The following NAALADL2 variants were observed in gnomAD, a reference collection of about 807,000 sequenced individuals.
The protein encoded by NAALADL2 is N-acetylated alpha-linked acidic dipeptidase like 2.
A neutral mutation model predicts 87.2 loss-of-function variants in NAALADL2; 76 were observed. The observed-to-expected ratio is 0.87, with a 90% CI of 0.72 to 1.05. NAALADL2 has a LOEUF of 1.05. Ranked by LOEUF, NAALADL2 falls within the 50% of genes least tolerant of loss-of-function variation. The pLI is 0.00. For missense variants in NAALADL2, 1,089 were observed against 945.8 expected, an observed-to-expected ratio of 1.15 and a Z score of -1.99; for synonymous variants, 354 against 331.0, an observed-to-expected ratio of 1.07 and a Z score of -0.75.
At chr3:175,547,282 C>T (rs1324799759) in intron 9 of NAALADL2, among the ~76,000 whole-genome samples, 1 of 152,076 alleles carries the variant, frequency 6.6e-6, no homozygotes, top group Non-Finnish European at 1.5e-5. Flanking sequence ...ACTATCTGAT[C>T]TTCTACAAAC....
chr3:175,012,253 C>T (rs1436656169), intron 1 of NAALADL2, among the ~76,000 whole-genome samples: 2 of 152,204 alleles, frequency 1.3e-5, no homozygotes, highest in African/African-American at 2.4e-5. Flanking sequence ...CAACCTCCAC[C>T]TCCCGGGTTC....
chr3:175,689,278 T>C (rs1040217008), intron 11 of NAALADL2, among the ~76,000 whole-genome samples: 29 of 152,136 alleles, frequency 1.9e-4, no homozygotes, highest in Admixed American at 5.2e-4. Context: ...TCAGGAATCA[T>C]TTTAAAATGA....
Position 175,630,247 on chromosome 3 carries a change from T to C in NAALADL2, c.1896+2861T>C, listed in dbSNP as rs967488207. On this transcript the variant is annotated intron_variant, in intron 11 of 13. Transcript: ENST00000454872. ...ATTTTATCAACAGAGAAATGAAATA[T>C]ATAGAGGGGTTGAATCGAGTACAGG... Among the ~76,000 whole-genome samples, 4 of 151,756 alleles carry C rather than the reference T, an allele frequency of 2.6e-5. No individual in the cohort carries two copies. The East Asian group carries it at 7.7e-4, about 29-fold the overall frequency.
At chr3:175,324,136 G>A in intron 4 of NAALADL2, 39 bp from the exon 5 acceptor site, 7 of 1,589,662 alleles carry the variant, frequency 4.4e-6, no homozygotes, top group South Asian at 1.1e-5. Context: ...CTTTTAATGT[G>A]CATGATAATA....
chr3:174,603,036 A>G (rs997425061), intron 2 of NAALADL2, among the ~76,000 whole-genome samples: 4 of 152,022 alleles, frequency 2.6e-5, no homozygotes, highest in Non-Finnish European at 5.9e-5. Flanking sequence ...GAATTTTTGC[A>G]TCAATATTCA....
At chr3:175,247,162 G>A (rs1385810970) in intron 3 of NAALADL2, among the ~76,000 whole-genome samples, 1 of 152,068 alleles carries the variant, frequency 6.6e-6, no homozygotes, top group Non-Finnish European at 1.5e-5. Flanking sequence ...TGTTTTAAGT[G>A]CTTGGGATAA....
At chr3:174,882,901 GTGTATATATATGTT>G (rs1173339589) in intron 1 of NAALADL2, among the ~76,000 whole-genome samples, 42 of 149,936 alleles carry the variant, frequency 2.8e-4, no homozygotes, top group Middle Eastern at 3.6e-3. Flanking sequence ...GTATATATAT[GTGTATATATATGTT>G]TGTATATATA....
At chr3:175,062,695 C>T (rs910240422) in intron 1 of NAALADL2, among the ~76,000 whole-genome samples, 14 of 152,226 alleles carry the variant, frequency 9.2e-5, no homozygotes, top group African/African-American at 3.4e-4. Flanking sequence ...ATTTTATAAA[C>T]TTAATCTTAA....
At chr3:174,864,115 T>A (rs1440639963) in intron 1 of NAALADL2, 2 of 454,308 alleles carry the variant, frequency 4.4e-6, no homozygotes, top group African/African-American at 4.0e-5. Flanking sequence ...AATGAGTGAG[T>A]TAGGCAAAGG....
At chr3:175,621,926 T>A (rs905506150) in intron 10 of NAALADL2, among the ~76,000 whole-genome samples, 2 of 152,174 alleles carry the variant, frequency 1.3e-5, no homozygotes, top group Admixed American at 6.5e-5. Context: ...CAGCAAATTG[T>A]AGCTACAGAA....
At chr3:175,549,730 C>A (rs900482446) in intron 9 of NAALADL2, among the ~76,000 whole-genome samples, 1 of 151,928 alleles carries the variant, frequency 6.6e-6, no homozygotes, top group Non-Finnish European at 1.5e-5. Flanking sequence ...GTAGGCAATA[C>A]AAAGGCGGAC....
chr3:175,509,889 T>C (rs542151373), intron 9 of NAALADL2, among the ~76,000 whole-genome samples: 18 of 152,232 alleles, frequency 1.2e-4, no homozygotes, highest in Admixed American at 1.0e-3. Flanking sequence ...TTAGAGTACA[T>C]GTGCACAACG....
chr3:175,087,555 C>A (rs533530885), intron 1 of NAALADL2, among the ~76,000 whole-genome samples: 1 of 152,326 alleles, frequency 6.6e-6, no homozygotes, highest in South Asian at 2.1e-4. Flanking sequence ...CCATTTTGTT[C>A]TGTACTAAGA....
chr3:174,799,074 G>A (rs994550290), intron 3 of NAALADL2, among the ~76,000 whole-genome samples: 1 of 151,944 alleles, frequency 6.6e-6, no homozygotes, highest in South Asian at 2.1e-4. Context: ...TGAGGCTGAG[G>A]CAGGAGAATT....
intron 1 of NAALADL2, among the ~76,000 whole-genome samples, chr3:174,932,201 G>C (rs564745997): frequency 1.2e-3 from 182 of 152,194 alleles, no homozygotes; most frequent in Non-Finnish European, 2.1e-3. Context: ...TTCTCCCCAG[G>C]AGTTGCTGCA....
intron 10 of NAALADL2, among the ~76,000 whole-genome samples, chr3:175,614,336 C>A (rs1223964829): frequency 1.3e-5 from 2 of 152,230 alleles, no homozygotes; most frequent in Non-Finnish European, 2.9e-5. Flanking sequence ...TAGGCGTGAG[C>A]CACCACCCTC....
At chr3:175,087,983 A>G (rs1719371608) in intron 1 of NAALADL2, among the ~76,000 whole-genome samples, 1 of 152,094 alleles carries the variant, frequency 6.6e-6, no homozygotes, top group Non-Finnish European at 1.5e-5. Flanking sequence ...CTTAGTAATG[A>G]ATGAACTTCA....
intron 2 of NAALADL2, among the ~76,000 whole-genome samples, chr3:175,137,812 T>G (rs1334461405): frequency 2.0e-5 from 3 of 151,928 alleles, no homozygotes. Context: ...TTAATAGAGA[T>G]GGGGTTTCGC....
intron 5 of NAALADL2, among the ~76,000 whole-genome samples, chr3:175,327,106 C>G (rs1412923120): frequency 6.7e-6 from 1 of 149,434 alleles, no homozygotes; most frequent in Non-Finnish European, 1.5e-5. Flanking sequence ...AAATAATGAA[C>G]ATTCCATACG....
Sources: allele counts gnomAD v4.1 joint callset (sites outside exome capture counted in the v4.1 genomes callset), GRCh38; gene constraint gnomAD v4.1.1; transcripts MANE v1.5; gene names NCBI Gene and HGNC (gene_info 2026-07-23, HGNC 2026-07-21).